Variants in F11 observed in about 807,000 individuals in gnomAD.
The protein encoded by F11 is coagulation factor XI, also known as coagualtion factor XI.
Under a neutral mutation model 76.5 loss-of-function variants are expected in F11, and 78 were observed. That is an observed-to-expected ratio of 1.02 (90% CI 0.85 to 1.23). The LOEUF (loss-of-function observed/expected upper bound fraction) is 1.23. F11 is among the 50% of genes most tolerant of loss of function. The pLI, the probability that F11 is intolerant of heterozygous loss-of-function variation, is 0.00. For synonymous variants in F11, 278 were observed against 276.3 expected (o/e 1.01, Z -0.06); for missense variants, 742 against 771.4 (o/e 0.96, Z 0.45).
chr4:186,287,037 G>C (rs557667672), intron 13 of F11, among the ~76,000 whole-genome samples: 2 of 151,872 alleles, frequency 1.3e-5, no homozygotes, highest in African/African-American at 4.8e-5. Context: ...GCAGTGGCAC[G>C]ATCTCGGCTC....
Position 186,275,878 on chromosome 4 carries a change from T to G in F11, c.577T>G (p.Cys193Gly). 6.2e-7 allele frequency: 1 copy of G among 1,611,536 alleles called. No homozygotes were observed. The part of the protein sequence containing the change: ...KVVSGFSLKS[C>G]ALSNLACIRD... ...GGTGTCTGGATTTTCACTGAAATCC[T>G]GTGCACTTTCTAATCTGGGTAATTA... The change falls in exon 6 of 15, where the codon TGT becomes GGT. Residue 193 changes from cysteine to glycine, a missense_variant. Physicochemically the swap from Cys to Gly is radical, Grantham distance 159 (BLOSUM62 -3). Transcript: ENST00000403665.
chr4:186,282,186 T>C (rs1035550419), intron 10 of F11: 7 of 1,070,654 alleles, frequency 6.5e-6, no homozygotes, highest in Admixed American at 3.9e-5. Flanking sequence ...CTCAATACAT[T>C]GCAGACTGCA....
chr4:186,288,324 C>T (rs1285274795), intron 14 of F11, 129 bp from the exon 15 acceptor site: 5 of 1,111,924 alleles, frequency 4.5e-6, no homozygotes, highest in Non-Finnish European at 6.9e-6. Context: ...ACGCAAGCAC[C>T]CAGGTTCTCT....
intron 10 of F11, among the ~76,000 whole-genome samples, chr4:186,281,038 G>T (rs1190791302): frequency 5.9e-5 from 9 of 151,818 alleles, no homozygotes; most frequent in African/African-American, 1.7e-4. Flanking sequence ...CTAATTTGTT[G>T]TAGAGATGGG....
In F11 at chr4:186,286,025, G is replaced by A. The variant is rs528921082; in HGVS notation, c.1480+212G>A. The A allele has an allele frequency of 3.9e-5, 24 of 617,268 alleles. No individual in the cohort carries two copies. The Admixed American group carries it at 5.4e-4, about 14-fold the overall frequency. The allele number at this position is 617,268 out of a possible 1,614,324, so 38.2% of individuals were successfully genotyped here. The stretch of plus-strand genomic sequence containing the variant: ...TTTGGGAATGTGGGTAAAGAGATAC[G>A]TTTTCCTGAGTCTTCTTCAGGTGCA... On this transcript the variant is annotated intron_variant, in intron 12 of 14. Coordinates refer to ENST00000403665, the MANE Select transcript of F11 (RefSeq NM_000128.4).
At chr4:186,270,606 C>A (rs1561478954) in intron 2 of F11, among the ~76,000 whole-genome samples, 1 of 151,820 alleles carries the variant, frequency 6.6e-6, no homozygotes, top group Non-Finnish European at 1.5e-5. Context: ...ATTAAATAAT[C>A]CAATTAGGAG....
intron 2 of F11, among the ~76,000 whole-genome samples, chr4:186,271,229 G>A (rs762314594): frequency 6.6e-6 from 1 of 152,072 alleles, no homozygotes; most frequent in Non-Finnish European, 1.5e-5. Flanking sequence ...ATAAGCACAG[G>A]GTTTGGATAA....
intron 5 of F11, 41 bp downstream of exon 5, chr4:186,274,316 A>T (rs1170699618): frequency 3.1e-6 from 5 of 1,613,768 alleles, no homozygotes; most frequent in Non-Finnish European, 3.4e-6. Flanking sequence ...GATGAAAAAC[A>T]GAATCGTGAT....
chr4:186,276,582 CTTTT>C (rs33965536), intron 7 of F11, among the ~76,000 whole-genome samples, 192 bp downstream of exon 7: 3 of 75,940 alleles, frequency 4.0e-5, no homozygotes, highest in African/African-American at 5.0e-5. Context: ...ACCGAGGACT[CTTTT>C]TTTTTTTTTT....
chr4:186,269,303 A>G (rs1461145427), intron 2 of F11, among the ~76,000 whole-genome samples: 1 of 152,250 alleles, frequency 6.6e-6, no homozygotes, highest in East Asian at 1.9e-4. Flanking sequence ...TTGTACACCC[A>G]TCTCATAGCA....
chr4:186,277,060 C>G (rs1740442297), intron 7 of F11, among the ~76,000 whole-genome samples: 1 of 152,096 alleles, frequency 6.6e-6, no homozygotes, highest in Non-Finnish European at 1.5e-5. Context: ...CTCCTCTATC[C>G]TCCCAACTCT....
chr4:186,279,632 C>A (rs1268305726), intron 7 of F11, among the ~76,000 whole-genome samples: 5 of 152,144 alleles, frequency 3.3e-5, no homozygotes, highest in Non-Finnish European at 7.3e-5. Context: ...GGACTTCACC[C>A]ATCTCCTTAT....
chr4:186,273,411 T>C (rs1191134534), intron 4 of F11, among the ~76,000 whole-genome samples: 2 of 152,216 alleles, frequency 1.3e-5, no homozygotes, highest in Admixed American at 6.5e-5. Flanking sequence ...CTTCCCATCA[T>C]TTATTTATAT....
intron 3 of F11, 133 bp downstream of exon 3, chr4:186,271,904 A>G: frequency 1.4e-5 from 15 of 1,070,856 alleles, no homozygotes; most frequent in Non-Finnish European, 1.9e-5. Flanking sequence ...CAGTTGAAAT[A>G]TTGTTACAGA....
chr4:186,268,469 A>T (rs1038578372), intron 2 of F11, among the ~76,000 whole-genome samples: 2 of 152,190 alleles, frequency 1.3e-5, no homozygotes, highest in East Asian at 3.9e-4. Context: ...ACCACACACA[A>T]GCCTCTGAAA....
At chr4:186,276,056 C>A (rs1259118187) in intron 6 of F11, among the ~76,000 whole-genome samples, 160 bp downstream of exon 6, 3 of 152,028 alleles carry the variant, frequency 2.0e-5, no homozygotes, top group African/African-American at 7.3e-5. Context: ...ACAGTTAGAT[C>A]CTCTATTTAA....
At chr4:186,276,556 C>T (rs915474846) in intron 7 of F11, among the ~76,000 whole-genome samples, 166 bp downstream of exon 7, 3 of 150,452 alleles carry the variant, frequency 2.0e-5, no homozygotes, top group Non-Finnish European at 4.4e-5. Flanking sequence ...CACCTACTTA[C>T]CACAAACCCA....
rs199541645 is a variant in F11, at chr4:186,274,244, G to C, written c.454G>C (p.Ala152Pro). The change falls in exon 5 of 15, where the codon GCC becomes CCC. Residue 152 changes from alanine to proline, a missense_variant. Ala to Pro is a conservative substitution (Grantham distance 27). Coordinates refer to ENST00000403665, the MANE Select transcript of F11 (RefSeq NM_000128.4). ...CGTCCACTGCCACTTTTTCACGTAC[G>C]CCACAAGGCAGTTTCCCAGCCTGGA... ...DDVHCHFFTY[A>P]TRQFPSLEHR... 1.2e-6 allele frequency: 2 copies of C among 1,614,202 alleles called. No individual in the cohort carries two copies. The highest frequency in any genetic ancestry group is 2.2e-5 in the South Asian group (2 of 91,082).
At chr4:186,280,621 T>A in intron 10 of F11, 41 bp downstream of exon 10, 14 of 1,296,412 alleles carry the variant, frequency 1.1e-5, no homozygotes, top group Non-Finnish European at 1.5e-5. Context: ...CTGAAGGAAT[T>A]ATTCCATGCT....
Sources: allele counts gnomAD v4.1 joint callset (sites outside exome capture counted in the v4.1 genomes callset), GRCh38; gene constraint gnomAD v4.1.1; transcripts MANE v1.5; gene names NCBI Gene and HGNC (gene_info 2026-07-23, HGNC 2026-07-21).